The following SBF2 variants were observed in gnomAD, a reference collection of about 807,000 sequenced individuals.
The protein encoded by SBF2 is SET binding factor 2.
SBF2 carries 112 observed loss-of-function variants against 225.2 expected under a neutral mutation model. That is an observed-to-expected ratio of 0.50 (90% CI 0.43 to 0.58). The LOEUF (loss-of-function observed/expected upper bound fraction) is 0.58, where lower values mean the gene tolerates loss of function less well. Ranked by LOEUF, SBF2 falls within the 20% of genes least tolerant of loss-of-function variation. The probability of loss-of-function intolerance (pLI) is 0.00; values close to 1 mark genes in which losing one functional copy is unlikely to be tolerated. For missense variants in SBF2, 1,996 were observed against 2,206.2 expected (o/e 0.90, Z 1.91); for synonymous variants, 763 against 773.3 (o/e 0.99, Z 0.22).
intron 17 of SBF2, among the ~76,000 whole-genome samples, chr11:9,876,159 A>G (rs12274075): frequency 0.025 from 3,817 of 152,234 alleles, 71 homozygotes; most frequent in Non-Finnish European, 0.039. Context: ...CAGTTGAACG[A>G]GTTGAATGCT....
chr11:10,140,740 G>A (rs1264104890), intron 2 of SBF2, among the ~76,000 whole-genome samples: 2 of 152,094 alleles, frequency 1.3e-5, no homozygotes, highest in Non-Finnish European at 2.9e-5. Context: ...TTGAAGTGGG[G>A]AGCAGTCTTG....
At chr11:10,212,857 C>T (rs1957986404) in intron 1 of SBF2, among the ~76,000 whole-genome samples, 1 of 152,186 alleles carries the variant, frequency 6.6e-6, no homozygotes, top group Admixed American at 6.5e-5. Context: ...CAAGACCATC[C>T]TGGCTAACAT....
chr11:10,273,155 G>A (rs543103260), intron 1 of SBF2, among the ~76,000 whole-genome samples: 4 of 152,074 alleles, frequency 2.6e-5, no homozygotes, highest in South Asian at 2.1e-4. Flanking sequence ...ATAGAAGACC[G>A]TTTTTAGTTT....
intron 2 of SBF2, among the ~76,000 whole-genome samples, chr11:10,071,111 G>A (rs1292108621): frequency 6.6e-6 from 1 of 152,102 alleles, no homozygotes; most frequent in African/African-American, 2.4e-5. Flanking sequence ...CACAAACAGA[G>A]ACAATTTGAC....
At chr11:9,896,361 G>A (rs956829203) in intron 16 of SBF2, among the ~76,000 whole-genome samples, 5 of 152,058 alleles carry the variant, frequency 3.3e-5, no homozygotes, top group Admixed American at 3.3e-4. Flanking sequence ...TTTTTTGGAG[G>A]AAGTTTTAGT....
At chr11:9,901,965 C>G (rs12808403) in intron 16 of SBF2, among the ~76,000 whole-genome samples, 1 of 152,190 alleles carries the variant, frequency 6.6e-6, no homozygotes. Context: ...CATAAAGCAG[C>G]TTCCTTTCCA....
chr11:10,088,025 ATT>A (rs751589524), intron 2 of SBF2, among the ~76,000 whole-genome samples: 8 of 141,832 alleles, frequency 5.6e-5, no homozygotes, highest in African/African-American at 7.7e-5. Context: ...GCAAACTTTA[ATT>A]TTTTTTTTTT....
chr11:9,790,973 T>C, intron 33 of SBF2: 1 of 248,008 alleles, frequency 4.0e-6, no homozygotes, highest in Non-Finnish European at 7.8e-6. Flanking sequence ...TATATCTAGA[T>C]TCAAAGAAGT....
chr11:9,779,214 A>G lies in SBF2; in HGVS notation c.*1204T>C, dbSNP rs546049896. ...TGCATCAGTTAATTTATATTAAATT[A>G]TAAGCAGGCTATCTGAAAAACAAGG... is the stretch of plus-strand genomic sequence containing the variant. On this transcript the variant is annotated 3_prime_UTR_variant, in exon 40 of 40. Coordinates refer to ENST00000256190, the MANE Select transcript of SBF2 (RefSeq NM_030962.4). The G allele has an allele frequency of 6.5e-5, 10 of 152,804 alleles. No homozygotes were observed. In the South Asian group the frequency reaches 8.3e-4, roughly 13 times the overall value. 9.5% of individuals were successfully genotyped at this position (152,804 alleles called of 1,614,324 possible).
Position 9,856,661 on chromosome 11 carries a change from T to G in SBF2, c.2160A>C (p.Gln720His), listed in dbSNP as rs1247703447. Residue 720 changes from glutamine (Q) to histidine (H), a missense_variant, in exon 19 of 40, where the codon CAA becomes CAC. Transcript: ENST00000256190. ...EKTAMDLAAE[Q>H]LRLWPTLSKS... ...TGCTCAGGGTAGGCCAAAGGCGTAG[T>G]TGCTCAGCTGCCAGGTCCATTGCTG... The G allele has an allele frequency of 6.2e-7, 1 of 1,614,214 alleles. No individual in the cohort carries two copies. The highest frequency in any genetic ancestry group is 1.7e-5 in the Admixed American group (1 of 60,024).
intron 20 of SBF2, 145 bp downstream of exon 20, chr11:9,853,395 A>G (rs1030310726): frequency 1.4e-6 from 1 of 730,920 alleles, no homozygotes; most frequent in African/African-American, 1.8e-5. Flanking sequence ...GTATTTTACA[A>G]CAATTTAAAA....
At chr11:9,837,725 T>C (rs887400373) in intron 26 of SBF2, among the ~76,000 whole-genome samples, 4 of 147,768 alleles carry the variant, frequency 2.7e-5, no homozygotes, top group Non-Finnish European at 6.0e-5. Context: ...ATTAGATTTG[T>C]CCCTTAAAAG....
At chr11:10,006,773 A>G (rs1279808036) in intron 6 of SBF2, among the ~76,000 whole-genome samples, 2 of 151,998 alleles carry the variant, frequency 1.3e-5, no homozygotes, top group African/African-American at 2.4e-5. Flanking sequence ...CCTTCTCAAT[A>G]TTGATCAAAA....
intron 24 of SBF2, chr11:9,843,863 G>C (rs1407715162): frequency 6.6e-6 from 1 of 152,138 alleles, no homozygotes; most frequent in Non-Finnish European, 1.5e-5. Flanking sequence ...AATTCTAAAA[G>C]AGCTGTAACA....
chr11:9,871,488 A>ATTATTATTATTG (rs1283691893), intron 17 of SBF2, among the ~76,000 whole-genome samples: 2 of 146,800 alleles, frequency 1.4e-5, no homozygotes, highest in Non-Finnish European at 3.0e-5. Context: ...TATTATTATT[A>ATTATTATTATTG]TTATTATTAT....
chr11:10,171,206 T>G (rs1388289040), intron 2 of SBF2, among the ~76,000 whole-genome samples: 1 of 152,194 alleles, frequency 6.6e-6, no homozygotes, highest in African/African-American at 2.4e-5. Flanking sequence ...TGGGCATCCT[T>G]GTCACCTTCT....
At chr11:10,059,746 A>T (rs896642461) in intron 2 of SBF2, among the ~76,000 whole-genome samples, 3 of 152,244 alleles carry the variant, frequency 2.0e-5, no homozygotes, top group Admixed American at 2.0e-4. Flanking sequence ...CCATACAATT[A>T]TTTGGAAAAT....
chr11:10,058,576 C>G (rs1052947872), intron 2 of SBF2, among the ~76,000 whole-genome samples: 1 of 152,132 alleles, frequency 6.6e-6, no homozygotes, highest in Non-Finnish European at 1.5e-5. Flanking sequence ...AAGCAAACAA[C>G]GTGGAACATA....
chr11:9,959,246 C>T, intron 16 of SBF2: 1 of 776,260 alleles, frequency 1.3e-6, no homozygotes, highest in Non-Finnish European at 2.4e-6. Flanking sequence ...GCAATCTTGA[C>T]TCCAGAATAC....
Sources: gnomAD v4.1 joint callset for allele counts (sites outside exome capture counted in the v4.1 genomes callset) on GRCh38, gnomAD v4.1.1 for gene constraint, MANE v1.5 for transcripts, NCBI Gene and HGNC (gene_info 2026-07-23, HGNC 2026-07-21) for gene names.